Variants in EXOSC7 observed in about 807,000 individuals in gnomAD.
The protein encoded by EXOSC7 is exosome complex component RRP42.
EXOSC7 carries 25 observed loss-of-function variants against 34.3 expected under a neutral mutation model. That is an observed-to-expected ratio of 0.73 (90% CI 0.53 to 1.02). EXOSC7 has a LOEUF of 1.02. Among genes scored for constraint, EXOSC7 ranks in the 50% least tolerant of loss-of-function variants. The probability of loss-of-function intolerance (pLI) is 0.00; values close to 1 mark genes in which losing one functional copy is unlikely to be tolerated. For synonymous variants in EXOSC7, 130 were observed against 143.0 expected (o/e 0.91, Z 0.65); for missense variants, 370 against 368.5 (o/e 1.00, Z -0.03).
In EXOSC7 at chr3:44,983,597, T is replaced by G. The variant is rs550952749; in HGVS notation, c.58-5543T>G. On this transcript the variant is annotated intron_variant, in intron 1 of 7. Transcript: ENST00000265564. ...CAGCTGTGAAAGTCACCAAGAGCTT[T>G]CCTGGCATCCAGAAGCCCTTGATCT... 2.4e-4 allele frequency among the ~76,000 whole-genome samples: 37 copies of G among 152,334 alleles called. No homozygotes were observed. The South Asian group carries it at 7.7e-3, about 32-fold the overall frequency.
In EXOSC7 at chr3:45,011,420, A is replaced by AACAG; in HGVS notation, c.*81_*82insACAG. ...TTCGTATATATTTTTCTTCGCTGTT[A>AACAG]CGAATTTACAGCAGCATTTGTACAT... On this transcript the variant is annotated 3_prime_UTR_variant, in exon 8 of 8. Coordinates refer to ENST00000265564, the MANE Select transcript of EXOSC7 (RefSeq NM_015004.4). 2.3e-6 allele frequency: 2 copies of AACAG among 860,500 alleles called. No homozygotes were observed. Among genetic ancestry groups the AACAG allele is most frequent in the African/African-American group, 1.7e-5 (1 of 58,596 alleles). 53.3% of individuals were successfully genotyped at this position (860,500 alleles called of 1,614,324 possible).
At chr3:45,003,235 T>G (rs1169395755) in intron 5 of EXOSC7, among the ~76,000 whole-genome samples, 1 of 152,100 alleles carries the variant, frequency 6.6e-6, no homozygotes, top group Non-Finnish European at 1.5e-5. Flanking sequence ...ATATTCAGGG[T>G]CCTTTAGAAG....
At chr3:45,000,172 C>G (rs375516129) in intron 4 of EXOSC7, among the ~76,000 whole-genome samples, 67 of 152,228 alleles carry the variant, frequency 4.4e-4, no homozygotes, top group Non-Finnish European at 4.4e-5. Context: ...AGAGGGAAAC[C>G]TGTTAGAACT....
chr3:44,976,249 A>G lies in EXOSC7; in HGVS notation c.-29A>G. On this transcript the variant is annotated 5_prime_UTR_variant, in exon 1 of 8. Transcript: ENST00000265564. Reference sequence around the variant, plus strand: ...CCAGAGGAGGGGACGCGCGCAGATGACGTGCGGCTCGTGGGGCAGCTCGGC... The same window carrying G: ...CCAGAGGAGGGGACGCGCGCAGATGGCGTGCGGCTCGTGGGGCAGCTCGGC... The G allele has an allele frequency of 6.5e-7, 1 of 1,529,682 alleles. No homozygotes were observed. Among genetic ancestry groups the G allele is most frequent in the Non-Finnish European group, 8.7e-7 (1 of 1,145,310 alleles). 94.8% of individuals were successfully genotyped at this position (1,529,682 alleles called of 1,614,324 possible).
intron 1 of EXOSC7, among the ~76,000 whole-genome samples, chr3:44,978,079 CAG>C (rs778662116): frequency 2.0e-4 from 31 of 152,246 alleles, no homozygotes; most frequent in South Asian, 1.0e-3. Context: ...GGGAGACAAA[CAG>C]AGAGTAAAAG....
intron 4 of EXOSC7, 150 bp downstream of exon 4, chr3:44,997,402 A>AT: frequency 1.7e-6 from 1 of 603,296 alleles, no homozygotes. Context: ...TCCTATAATA[A>AT]TTTTTTTAAA....
chr3:45,011,035 T>C (rs1373586693), intron 7 of EXOSC7, among the ~76,000 whole-genome samples, 200 bp from the exon 8 acceptor site: 1 of 152,218 alleles, frequency 6.6e-6, no homozygotes, highest in Non-Finnish European at 1.5e-5. Context: ...TTTTTTGATA[T>C]GACGATTTTT....
chr3:45,002,195 C>A (rs1368592503), intron 5 of EXOSC7: 1 of 152,108 alleles, frequency 6.6e-6, no homozygotes, highest in Non-Finnish European at 1.5e-5. Context: ...GACTGATTGA[C>A]CTTTCCCCCT....
At chr3:44,984,504 C>G (rs574035982) in intron 1 of EXOSC7, among the ~76,000 whole-genome samples, 14 of 151,866 alleles carry the variant, frequency 9.2e-5, no homozygotes, top group Non-Finnish European at 1.6e-4. Flanking sequence ...AGTAGTAAAC[C>G]CTGTGACCTT....
chr3:45,009,669 C>T (rs1216659949), intron 7 of EXOSC7, among the ~76,000 whole-genome samples: 1 of 152,048 alleles, frequency 6.6e-6, no homozygotes, highest in East Asian at 1.9e-4. Flanking sequence ...CCTCAGCTTC[C>T]CGAGTAGCTG....
chr3:45,011,551 G>A (rs1697288999), downstream of EXOSC7: 4 of 387,466 alleles, frequency 1.0e-5, no homozygotes, highest in Non-Finnish European at 1.8e-5. Flanking sequence ...CTTATCTAGT[G>A]AGTGGCAGAC....
rs538269596 is a variant in EXOSC7 at position 44,987,742 on chromosome 3, A to T, written c.58-1398A>T. ...TGTGCTATTAGTAAATTTGTTTCTCACAGGGGTATGGGTTAGAAGTTCAGA... is the reference window on the plus strand; with the variant it reads ...TGTGCTATTAGTAAATTTGTTTCTCTCAGGGGTATGGGTTAGAAGTTCAGA... On this transcript the variant is annotated intron_variant, in intron 1 of 7. Transcript: ENST00000265564. 4.6e-5 allele frequency among the ~76,000 whole-genome samples: 7 copies of T among 152,380 alleles called. No homozygotes were observed. In the East Asian group the frequency reaches 1.3e-3, roughly 29 times the overall value.
chr3:44,997,213 T>G lies in EXOSC7; in HGVS notation c.381T>G (p.Ser127Arg). The G allele has an allele frequency of 6.2e-7, 1 of 1,614,034 alleles. No individual in the cohort carries two copies. Among genetic ancestry groups the G allele is most frequent in the Non-Finnish European group, 8.5e-7 (1 of 1,179,994 alleles). The change falls in exon 4 of 8, where the codon AGT becomes AGG. Residue 127 changes from serine to arginine, a missense_variant. Coordinates refer to ENST00000265564, the MANE Select transcript of EXOSC7 (RefSeq NM_015004.4). The stretch of plus-strand genomic sequence containing the variant: ...TCGACTTAAAGACCCTCTGCATTAG[T>G]CCTCGGGAGCACTGCTGGGTTCTCT... ...SSVDLKTLCI[S>R]PREHCWVLYV...
chr3:44,979,578 ATC>A (rs1300297363), intron 1 of EXOSC7, among the ~76,000 whole-genome samples: 1 of 140,254 alleles, frequency 7.1e-6, no homozygotes, highest in East Asian at 2.5e-4. Flanking sequence ...AGGAATCCTA[ATC>A]TCTGCTGGTT....
At chr3:44,993,828 C>G (rs1706636942) in intron 3 of EXOSC7, among the ~76,000 whole-genome samples, 1 of 152,204 alleles carries the variant, frequency 6.6e-6, no homozygotes, top group East Asian at 1.9e-4. Flanking sequence ...TTCTTTCTCT[C>G]TCTAACAGAG....
At chr3:44,986,291 G>A (rs1706413296) in intron 1 of EXOSC7, among the ~76,000 whole-genome samples, 1 of 152,210 alleles carries the variant, frequency 6.6e-6, no homozygotes, top group African/African-American at 2.4e-5. Context: ...GGCAGCTAAG[G>A]CCCAGCAAGA....
In EXOSC7 at chr3:45,011,425, T is replaced by C. The variant is rs927227769; in HGVS notation, c.*86T>C. On this transcript the variant is annotated 3_prime_UTR_variant, in exon 8 of 8. Transcript: ENST00000265564. ...ATATATTTTTCTTCGCTGTTACGAATTTACAGCAGCATTTGTACATGTAAA... is the reference window on the plus strand; with the variant it reads ...ATATATTTTTCTTCGCTGTTACGAACTTACAGCAGCATTTGTACATGTAAA... 2 of 820,440 alleles carry C rather than the reference T, an allele frequency of 2.4e-6. No individual in the cohort carries two copies. The highest frequency in any genetic ancestry group is 3.3e-5 in the South Asian group (2 of 60,642). The allele number at this position is 820,440 out of a possible 1,614,324, so 50.8% of individuals were successfully genotyped here. A position where few individuals can be genotyped will look rare whatever the true frequency, so the allele number is the denominator to read the frequency against.
At chr3:45,001,150 G>GA (rs374958709) in intron 4 of EXOSC7, among the ~76,000 whole-genome samples, 34 of 147,592 alleles carry the variant, frequency 2.3e-4, no homozygotes, top group Middle Eastern at 3.5e-3. Flanking sequence ...TTTAGGGAAA[G>GA]AAAAAAAAAA....
chr3:44,985,352 A>C (rs1380366292), intron 1 of EXOSC7, among the ~76,000 whole-genome samples: 3 of 152,194 alleles, frequency 2.0e-5, no homozygotes, highest in Admixed American at 6.5e-5. Context: ...TCTTGGTCTC[A>C]CTGATTTCAA....
Sources: gnomAD v4.1 joint callset for allele counts (sites outside exome capture counted in the v4.1 genomes callset) on GRCh38, gnomAD v4.1.1 for gene constraint, MANE v1.5 for transcripts, NCBI Gene and HGNC (gene_info 2026-07-23, HGNC 2026-07-21) for gene names.